Variants in L2HGDH observed in about 807,000 individuals in gnomAD.
The protein encoded by L2HGDH is L-2-hydroxyglutarate dehydrogenase, mitochondrial.
In L2HGDH, 34 loss-of-function variants were observed where a neutral mutation model predicts 51.5. That is an observed-to-expected ratio of 0.66 (90% CI 0.50 to 0.88). L2HGDH has a LOEUF of 0.88. L2HGDH is among the 40% of genes least tolerant of loss of function. The probability of loss-of-function intolerance (pLI) is 0.00; values close to 1 mark genes in which losing one functional copy is unlikely to be tolerated. For missense variants in L2HGDH, 558 were observed against 571.9 expected, an observed-to-expected ratio of 0.98 and a Z score of 0.25; for synonymous variants, 198 against 197.9, an observed-to-expected ratio of 1.00 and a Z score of -0.01.
chr14:50,263,103 G>T (rs1889128046), intron 9 of L2HGDH, among the ~76,000 whole-genome samples: 1 of 152,172 alleles, frequency 6.6e-6, no homozygotes, highest in South Asian at 2.1e-4. Flanking sequence ...TATAAAGGGT[G>T]GTAACTGAAT....
intron 6 of L2HGDH, among the ~76,000 whole-genome samples, chr14:50,275,417 C>T (rs544752836): frequency 6.6e-6 from 1 of 152,332 alleles, no homozygotes; most frequent in South Asian, 2.1e-4. Context: ...TAGGCACTTG[C>T]TCTGAATATA....
intron 9 of L2HGDH, among the ~76,000 whole-genome samples, chr14:50,257,538 T>G (rs1433933233): frequency 6.6e-6 from 1 of 151,946 alleles, no homozygotes; most frequent in Admixed American, 6.6e-5. Context: ...CCTGGTTAAT[T>G]TTTAAAACTT....
chr14:50,258,221 T>C (rs1888793824), intron 9 of L2HGDH, among the ~76,000 whole-genome samples: 2 of 152,022 alleles, frequency 1.3e-5, no homozygotes, highest in African/African-American at 4.8e-5. Flanking sequence ...CACTGGGTTA[T>C]TTTATTTTTT....
Position 50,247,079 on chromosome 14 carries a change from T to A in L2HGDH, c.1371A>T (p.Val457=), listed in dbSNP as rs780979128. 3.7e-6 allele frequency: 6 copies of A among 1,613,810 alleles called. No individual in the cohort carries two copies. The Admixed American group carries it at 8.3e-5, about 22-fold the overall frequency. Residue 457 remains valine (V), a synonymous_variant, in exon 10 of 10, where the codon GTA becomes GTT. Coordinates refer to ENST00000267436, the MANE Select transcript of L2HGDH (RefSeq NM_024884.3). The part of the protein sequence containing the change: ...IAISGMIADE[V]QQRFEL ...TTATTTATAATTCAAATCTTTGTTG[T>A]ACTTCATCTGCAATCATTCCAGAAA...
chr14:50,289,276 A>G (rs913303289), intron 4 of L2HGDH, among the ~76,000 whole-genome samples: 62 of 152,298 alleles, frequency 4.1e-4, no homozygotes, highest in African/African-American at 1.4e-3. Flanking sequence ...AAAAAGACTG[A>G]TATGCCTTAA....
rs1359116913 is a variant in L2HGDH at position 50,242,937 on chromosome 14, G to A, written c.*4121C>T. ...CTGTGTTTACAGGGATAGCTCATAG[G>A]TACAGCCATCAGGGTTGGATTGCCT... On this transcript the variant is annotated 3_prime_UTR_variant, in exon 10 of 10. Transcript: ENST00000267436. 5 of 985,298 alleles carry A rather than the reference G, an allele frequency of 5.1e-6. No homozygotes were observed. The African/African-American group carries it at 7.0e-5, about 14-fold the overall frequency. The allele number at this position is 985,298 out of a possible 1,614,324, so 61.0% of individuals were successfully genotyped here.
At chr14:50,311,823 C>T (rs568933466) in intron 1 of L2HGDH, among the ~76,000 whole-genome samples, 188 bp downstream of exon 1, 35 of 152,356 alleles carry the variant, frequency 2.3e-4, no homozygotes, top group African/African-American at 8.2e-4. Context: ...TGCCTTTCCT[C>T]CGGCCCGTAA....
At chr14:50,248,489 A>G (rs1333128054) in intron 9 of L2HGDH, among the ~76,000 whole-genome samples, 1 of 152,236 alleles carries the variant, frequency 6.6e-6, no homozygotes, top group African/African-American at 2.4e-5. Context: ...AATCCTCAAA[A>G]CAACTCTTAA....
intron 9 of L2HGDH, among the ~76,000 whole-genome samples, chr14:50,258,873 T>A (rs1888827300): frequency 6.6e-6 from 1 of 151,738 alleles, no homozygotes; most frequent in African/African-American, 2.4e-5. Context: ...AGACAGGGTC[T>A]CACTGTTGTC....
chr14:50,257,164 G>C (rs1429389813), intron 9 of L2HGDH, among the ~76,000 whole-genome samples: 1 of 151,972 alleles, frequency 6.6e-6, no homozygotes, highest in African/African-American at 2.4e-5. Context: ...CCTAACCTCA[G>C]GTAATCCACC....
chr14:50,308,026 G>A (rs1440562644), intron 1 of L2HGDH, among the ~76,000 whole-genome samples: 1 of 152,064 alleles, frequency 6.6e-6, no homozygotes, highest in Non-Finnish European at 1.5e-5. Flanking sequence ...TAAGAAATTG[G>A]AAAAAAATAC....
intron 6 of L2HGDH, among the ~76,000 whole-genome samples, chr14:50,274,377 C>T (rs561559591): frequency 1.3e-5 from 2 of 151,958 alleles, no homozygotes; most frequent in East Asian, 3.9e-4. Flanking sequence ...TAAAGGTGTT[C>T]AAATCACTAA....
At chr14:50,290,258 C>T (rs893591764) in intron 4 of L2HGDH, among the ~76,000 whole-genome samples, 12 of 151,840 alleles carry the variant, frequency 7.9e-5, no homozygotes, top group Non-Finnish European at 2.9e-5. Context: ...CAGAGTGAGA[C>T]TCCGTCTCAT....
In L2HGDH at chr14:50,303,013, A is replaced by C; in HGVS notation, c.145T>G (p.Phe49Val). 2 of 1,595,752 alleles carry C rather than the reference A, an allele frequency of 1.3e-6. No homozygotes were observed. The highest frequency in any genetic ancestry group is 2.2e-5 in the South Asian group (2 of 90,686). Residue 49 changes from phenylalanine to valine, a missense_variant, in exon 2 of 10, where the codon TTT (phenylalanine) becomes GTT (valine). Physicochemically the swap from Phe to Val is conservative, Grantham distance 50 (BLOSUM62 -1). Transcript: ENST00000267436. ...CCGCCACCAACGATGACTATATCAA[A>C]TGAGCTTCAAAAGAAAGTCATCTTT... ...GGSRSASTSS[F>V]DIVIVGGGIV... is the part of the protein sequence containing the mutation.
At chr14:50,253,065 T>A (rs949749506) in intron 9 of L2HGDH, among the ~76,000 whole-genome samples, 1 of 152,006 alleles carries the variant, frequency 6.6e-6, no homozygotes, top group African/African-American at 2.4e-5. Flanking sequence ...ATTCAAAAAA[T>A]TTGGAATAAT....
intron 4 of L2HGDH, among the ~76,000 whole-genome samples, chr14:50,287,800 C>T (rs1405643606): frequency 6.8e-6 from 1 of 147,498 alleles, no homozygotes; most frequent in African/African-American, 2.5e-5. Context: ...CAGGTTCAAG[C>T]GATTCTCCTG....
At position 50,242,651 on chromosome 14, in the gene L2HGDH, G is replaced by C. The variant is rs1887850849; in HGVS notation, c.*4407C>G. Reference sequence around the variant, plus strand: ...AGTACAAACTATTTGAAAACATCTCGAGGCAGCTTTTGCTTTCCCAACCAT... The same window carrying C: ...AGTACAAACTATTTGAAAACATCTCCAGGCAGCTTTTGCTTTCCCAACCAT... On this transcript the variant is annotated 3_prime_UTR_variant, in exon 10 of 10. Transcript: ENST00000267436. 4 of 985,326 alleles carry C rather than the reference G, an allele frequency of 4.1e-6. No homozygotes were observed. The highest frequency in any genetic ancestry group is 3.6e-6 in the Non-Finnish European group (3 of 829,908). 61.0% of individuals were successfully genotyped at this position (985,326 alleles called of 1,614,324 possible). A position where few individuals can be genotyped will look rare whatever the true frequency, so the allele number is the denominator to read the frequency against.
rs537200130 is a variant in L2HGDH at position 50,243,292 on chromosome 14, G to T, written c.*3766C>A. 1 of 985,256 alleles carries T rather than the reference G, an allele frequency of 1.0e-6. No homozygotes were observed. The highest frequency in any genetic ancestry group is 1.1e-4 in the East Asian group (1 of 8,822). The allele number at this position is 985,256 out of a possible 1,614,324, so 61.0% of individuals were successfully genotyped here. A position where few individuals can be genotyped will look rare whatever the true frequency, so the allele number is the denominator to read the frequency against. ...ACACTCTGAAGTTAAAATCTAAAATGCTCCACTTTTTACCCAAAATATAAA... is the reference window on the plus strand; with the variant it reads ...ACACTCTGAAGTTAAAATCTAAAATTCTCCACTTTTTACCCAAAATATAAA... On this transcript the variant is annotated 3_prime_UTR_variant, in exon 10 of 10. Coordinates refer to ENST00000267436, the MANE Select transcript of L2HGDH (RefSeq NM_024884.3).
intron 5 of L2HGDH, among the ~76,000 whole-genome samples, chr14:50,281,192 A>G (rs1451022319): frequency 2.0e-5 from 3 of 152,236 alleles, no homozygotes; most frequent in Non-Finnish European, 2.9e-5. Context: ...GGAGTGGTAA[A>G]GTCTAGCACA....
Sources: gnomAD v4.1 joint callset for allele counts (sites outside exome capture counted in the v4.1 genomes callset) on GRCh38, gnomAD v4.1.1 for gene constraint, MANE v1.5 for transcripts, NCBI Gene and HGNC (gene_info 2026-07-23, HGNC 2026-07-21) for gene names.